SLC34A2: variants seen among roughly 807,000 people sequenced by gnomAD.
The protein encoded by SLC34A2 is solute carrier family 34 member 2, also known as sodium-dependent phosphate transport protein 2B.
A neutral mutation model predicts 50.8 loss-of-function variants in SLC34A2; 41 were observed. The ratio of observed to expected loss-of-function variants is 0.81; its 90% confidence interval spans 0.63 to 1.05. The LOEUF (loss-of-function observed/expected upper bound fraction) is 1.05. Among genes scored for constraint, SLC34A2 ranks in the 50% least tolerant of loss-of-function variants. SLC34A2 has a pLI of 0.00. For synonymous variants in SLC34A2, 401 were observed against 364.2 expected (o/e 1.10, Z -1.15); for missense variants, 879 against 876.7 (o/e 1.00, Z -0.03).
rs1236301699 is a variant in SLC34A2, at chr4:25,676,336, G to A, written c.1660G>A (p.Val554Met). 1 of 1,614,196 alleles carries A rather than the reference G, an allele frequency of 6.2e-7. No homozygotes were observed. Among genetic ancestry groups the A allele is most frequent in the Non-Finnish European group, 8.5e-7 (1 of 1,180,050 alleles). The change falls in exon 13 of 13, where the codon GTG becomes ATG. Residue 554 changes from valine (V) to methionine (M), a missense_variant. Coordinates refer to ENST00000382051, the MANE Select transcript of SLC34A2 (RefSeq NM_006424.3). ...TGGCCTCTCGCTGGCCGGCTGGCGG[G>A]TGCTGGTTGGTGTCGGGGTTCCCGT... ...VFGLSLAGWR[V>M]LVGVGVPVVF...
chr4:25,675,080 G>C (rs1387386898), intron 12 of SLC34A2, among the ~76,000 whole-genome samples: 1 of 151,790 alleles, frequency 6.6e-6, no homozygotes, highest in Non-Finnish European at 1.5e-5. Context: ...AGCCCAGGCT[G>C]GAGTGCAGTG....
At chr4:25,657,352 C>G (rs1713936532) in intron 1 of SLC34A2, among the ~76,000 whole-genome samples, 1 of 152,154 alleles carries the variant, frequency 6.6e-6, no homozygotes, top group Admixed American at 6.5e-5. Flanking sequence ...TCACCCACAC[C>G]CCCACTTCCA....
intron 5 of SLC34A2, 71 bp from the exon 6 acceptor site, chr4:25,667,809 A>G: frequency 1.0e-6 from 1 of 959,644 alleles, no homozygotes; most frequent in Admixed American, 1.8e-5. Flanking sequence ...AGAGGATACC[A>G]GCATAGGTAA....
rs1470765912 is a variant in SLC34A2, at chr4:25,669,632, G to T, written c.636-15G>T. On this transcript the variant is annotated splice_polypyrimidine_tract_variant and intron_variant, in intron 6 of 12. Transcript: ENST00000382051. ...CTTAGTGACTAATCTGGCTGTCGGGGTTTCCCTCCCATAGAGCTTTTGCAG... is the reference window on the plus strand; with the variant it reads ...CTTAGTGACTAATCTGGCTGTCGGGTTTTCCCTCCCATAGAGCTTTTGCAG... 1.2e-6 allele frequency: 2 copies of T among 1,613,068 alleles called. No homozygotes were observed. The highest frequency in any genetic ancestry group is 2.2e-5 in the South Asian group (2 of 91,030).
At chr4:25,658,276 G>A (rs998967057) in intron 1 of SLC34A2, among the ~76,000 whole-genome samples, 2 of 152,232 alleles carry the variant, frequency 1.3e-5, no homozygotes, top group Non-Finnish European at 1.5e-5. Flanking sequence ...ACTGTCCTAT[G>A]TGCTGGGGAT....
chr4:25,659,350 C>T (rs1168235256), intron 1 of SLC34A2, among the ~76,000 whole-genome samples: 1 of 152,194 alleles, frequency 6.6e-6, no homozygotes, highest in Non-Finnish European at 1.5e-5. Context: ...TAGCATCTTT[C>T]TCTCACAGGC....
rs1714976018 is a variant in SLC34A2 at position 25,674,192 on chromosome 4, A to G, written c.1217-104A>G. On this transcript the variant is annotated intron_variant, in intron 10 of 12. Coordinates refer to ENST00000382051, the MANE Select transcript of SLC34A2 (RefSeq NM_006424.3). Reference sequence around the variant, plus strand: ...TCTACTCTGTAATCTGAGACCATATATGGGATGATGTACAACCTCACCCCT... The same window carrying G: ...TCTACTCTGTAATCTGAGACCATATGTGGGATGATGTACAACCTCACCCCT... 3.9e-6 allele frequency: 3 copies of G among 778,144 alleles called. No homozygotes were observed. The Admixed American group carries it at 5.8e-5, about 15-fold the overall frequency. 48.2% of individuals were successfully genotyped at this position (778,144 alleles called of 1,614,324 possible). A position where few individuals can be genotyped will look rare whatever the true frequency, so the allele number is the denominator to read the frequency against.
intron 1 of SLC34A2, among the ~76,000 whole-genome samples, chr4:25,662,043 T>C (rs1714217918): frequency 6.6e-6 from 1 of 152,060 alleles, no homozygotes; most frequent in Non-Finnish European, 1.5e-5. Flanking sequence ...GGCTAATTTT[T>C]ATATTTTTAG....
At chr4:25,675,198 A>T (rs1187013133) in intron 12 of SLC34A2, among the ~76,000 whole-genome samples, 2 of 151,958 alleles carry the variant, frequency 1.3e-5, no homozygotes, top group Non-Finnish European at 2.9e-5. Flanking sequence ...CACCTGGCTG[A>T]TTTTTTGTAT....
At chr4:25,671,409 G>C (rs947438093) in intron 8 of SLC34A2, among the ~76,000 whole-genome samples, 192 bp from the exon 9 acceptor site, 2 of 152,128 alleles carry the variant, frequency 1.3e-5, no homozygotes, top group African/African-American at 4.8e-5. Flanking sequence ...GCTGATTTCA[G>C]TTGTCCTCAG....
At chr4:25,671,347 G>T (rs1466197680) in intron 8 of SLC34A2, among the ~76,000 whole-genome samples, 2 of 152,112 alleles carry the variant, frequency 1.3e-5, no homozygotes, top group Non-Finnish European at 2.9e-5. Flanking sequence ...TTTGTGGGGT[G>T]CTAAAGACTG....
chr4:25,668,895 T>A (rs1452604368), intron 6 of SLC34A2, among the ~76,000 whole-genome samples: 1 of 151,384 alleles, frequency 6.6e-6, no homozygotes, highest in East Asian at 1.9e-4. Flanking sequence ...AGCTAGTTTT[T>A]TTTTTTTTTC....
intron 7 of SLC34A2, among the ~76,000 whole-genome samples, 173 bp downstream of exon 7, chr4:25,670,015 G>A (rs186021264): frequency 1.3e-5 from 2 of 152,286 alleles, no homozygotes; most frequent in African/African-American, 4.8e-5. Flanking sequence ...TTGAGGTCAG[G>A]AATCTGAGAC....
intron 4 of SLC34A2, chr4:25,665,139 G>A (rs1185311536): frequency 4.7e-6 from 1 of 212,608 alleles, no homozygotes; most frequent in Non-Finnish European, 9.5e-6. Context: ...GAGAGCATGA[G>A]GGGCAAACAC....
At chr4:25,672,508 A>G (rs1714872277) in intron 9 of SLC34A2, among the ~76,000 whole-genome samples, 3 of 152,212 alleles carry the variant, frequency 2.0e-5, no homozygotes, top group Middle Eastern at 3.4e-3. Flanking sequence ...CTCCTTACAT[A>G]TACTTTTGTA....
rs1451015654 is a variant in SLC34A2 at position 25,673,214 on chromosome 4, G to T, written c.1176G>T (p.Lys392Asn). 1 of 1,613,938 alleles carries T rather than the reference G, an allele frequency of 6.2e-7. No individual in the cohort carries two copies. The highest frequency in any genetic ancestry group is 1.3e-5 in the African/African-American group (1 of 74,898). The change falls in exon 10 of 13, where the codon AAG (lysine) becomes AAT (asparagine). Residue 392 changes from lysine (K) to asparagine (N), a missense_variant. Lys to Asn is a moderately conservative substitution (Grantham distance 94). Coordinates refer to ENST00000382051, the MANE Select transcript of SLC34A2 (RefSeq NM_006424.3). ...MIVKILGSVL[K>N]GQVATVIKKT... ...TCAAGATCCTGGGCTCTGTGCTCAA[G>T]GGGCAGGTCGCCACTGTCATCAAGA...
chr4:25,665,917 G>C (rs988935457), intron 4 of SLC34A2, among the ~76,000 whole-genome samples: 17 of 152,154 alleles, frequency 1.1e-4, no homozygotes, highest in African/African-American at 3.6e-4. Context: ...GGAGGCACGT[G>C]TGGGCAGCTA....
chr4:25,671,486 C>A, intron 8 of SLC34A2, 115 bp from the exon 9 acceptor site: 1 of 1,225,468 alleles, frequency 8.2e-7, no homozygotes, highest in Non-Finnish European at 1.2e-6. Flanking sequence ...TCTGTTGGGG[C>A]CATACTGCAT....
chr4:25,670,814 G>T lies in SLC34A2; in HGVS notation c.908G>T (p.Cys303Phe). The T allele has an allele frequency of 6.2e-7, 1 of 1,613,858 alleles. No homozygotes were observed. Among genetic ancestry groups the T allele is most frequent in the Non-Finnish European group, 8.5e-7 (1 of 1,179,742 alleles). ...AACAAGAGTCTTGTCAAGATTTGGTGCAAAACTTTTACCAACAAGGTACGT... is the reference window on the plus strand; with the variant it reads ...AACAAGAGTCTTGTCAAGATTTGGTTCAAAACTTTTACCAACAAGGTACGT... ...AKNKSLVKIW[C>F]KTFTNKTQIN... The change falls in exon 8 of 13, where the codon TGC becomes TTC. Residue 303 changes from cysteine (C) to phenylalanine (F), a missense_variant. Coordinates refer to ENST00000382051, the MANE Select transcript of SLC34A2 (RefSeq NM_006424.3).
Sources: gnomAD v4.1 joint callset for allele counts (sites outside exome capture counted in the v4.1 genomes callset) on GRCh38, gnomAD v4.1.1 for gene constraint, MANE v1.5 for transcripts, NCBI Gene and HGNC (gene_info 2026-07-23, HGNC 2026-07-21) for gene names.